The following FILIP1L variants were observed in gnomAD, a reference collection of about 807,000 sequenced individuals.
FILIP1L encodes the protein filamin A-interacting protein 1-like.
A neutral mutation model predicts 96.6 loss-of-function variants in FILIP1L; 55 were observed. The observed-to-expected ratio is 0.57, with a 90% CI of 0.46 to 0.71. The LOEUF is 0.71. Among genes scored for constraint, FILIP1L ranks in the 30% least tolerant of loss-of-function variants. The pLI is 0.00. For missense variants in FILIP1L, 1,304 were observed against 1,321.2 expected (o/e 0.99, Z 0.20); for synonymous variants, 467 against 473.9 (o/e 0.99, Z 0.19).
intron 4 of FILIP1L, among the ~76,000 whole-genome samples, chr3:99,875,030 A>G (rs1026006630): frequency 6.6e-6 from 1 of 152,252 alleles, no homozygotes; most frequent in African/African-American, 2.4e-5. Flanking sequence ...ACTGTTTTAA[A>G]AGGGACAATT....
intron 4 of FILIP1L, among the ~76,000 whole-genome samples, chr3:99,880,950 T>C (rs1705705947): frequency 6.6e-6 from 1 of 151,980 alleles, no homozygotes; most frequent in Non-Finnish European, 1.5e-5. Flanking sequence ...TGTTAGTGGC[T>C]TTTCTGTAGA....
intron 1 of FILIP1L, among the ~76,000 whole-genome samples, chr3:100,078,005 G>A (rs1467168919): frequency 6.6e-6 from 1 of 151,776 alleles, no homozygotes; most frequent in Non-Finnish European, 1.5e-5. Context: ...TCGTTTAACA[G>A]CCAGCTAAAA....
Position 99,830,537 on chromosome 3 carries a change from CT to C in FILIP1L, c.3449del (p.Lys1150ArgfsTer26), listed in dbSNP as rs1410660117. On this transcript the variant is annotated frameshift_variant, in exon 6 of 6. Coordinates refer to ENST00000477258, the MANE Select transcript of FILIP1L (RefSeq NM_001387850.1). LOFTEE classifies it high-confidence loss of function. ...IPKPKSTGITKISTKAPTVPM... is the reference protein window; with the variant it reads ...IPKPKSTGITXISTKAPTVPM... ...GCACTGTGGGGGCTTTAGTGGAAAT[CT>C]TGGTGATGCCTGTAGATTTCGGTTT... The C allele has an allele frequency of 2.2e-6, 1 of 456,670 alleles. No individual in the cohort carries two copies. Among genetic ancestry groups the C allele is most frequent in the Non-Finnish European group, 4.4e-6 (1 of 226,970 alleles). 28.3% of individuals were successfully genotyped at this position (456,670 alleles called of 1,614,324 possible). A position where few individuals can be genotyped will look rare whatever the true frequency, so the allele number is the denominator to read the frequency against.
intron 1 of FILIP1L, among the ~76,000 whole-genome samples, chr3:100,050,012 T>C (rs1422276238): frequency 6.6e-6 from 1 of 152,184 alleles, no homozygotes; most frequent in Non-Finnish European, 1.5e-5. Context: ...TTTACGGTTA[T>C]TAGAAGTTAA....
At position 99,848,692 on chromosome 3, in the gene FILIP1L, G is replaced by A; in HGVS notation, c.2984C>T (p.Pro995Leu). ...CTGAATAGGGGACATTGTCCTTTCT[G>A]GAGTTAGAGAACCACAAGACTCTGG... is the stretch of plus-strand genomic sequence containing the variant. Reference protein sequence around the residue: ...QTPESCGSLTPERTMSPIQVL... With the variant: ...QTPESCGSLTLERTMSPIQVL... The change falls in exon 5 of 6, where the codon CCA (proline) becomes CTA (leucine). Residue 995 changes from proline to leucine, a missense_variant. By Grantham distance (98) the Pro-to-Leu change is moderately conservative (BLOSUM62 -3). Coordinates refer to ENST00000477258, the MANE Select transcript of FILIP1L (RefSeq NM_001387850.1). 3 of 1,614,172 alleles carry A rather than the reference G, an allele frequency of 1.9e-6. No homozygotes were observed. Among genetic ancestry groups the A allele is most frequent in the Non-Finnish European group, 2.5e-6 (3 of 1,180,028 alleles).
rs191686834 is a variant in FILIP1L at position 99,879,368 on chromosome 3, A to T, written c.606-28298T>A. ...TTGTCAGGAGGCCATGACAATGACC[A>T]CATTAACAGGTGTTATTAGTGAAGT... On this transcript the variant is annotated intron_variant, in intron 4 of 5. Coordinates refer to ENST00000477258, the MANE Select transcript of FILIP1L (RefSeq NM_001387850.1). Among the ~76,000 whole-genome samples, 6 of 152,366 alleles carry T rather than the reference A, an allele frequency of 3.9e-5. No homozygotes were observed. The East Asian group carries it at 1.2e-3, about 29-fold the overall frequency.
intron 1 of FILIP1L, among the ~76,000 whole-genome samples, chr3:100,067,402 G>A (rs1223783162): frequency 6.6e-6 from 1 of 152,164 alleles, no homozygotes; most frequent in African/African-American, 2.4e-5. Flanking sequence ...GTATATATAA[G>A]AAAGGTGGAG....
rs143870316 is a variant in FILIP1L, at chr3:99,852,151, G to T, written c.606-1081C>A. Among the ~76,000 whole-genome samples the T allele has an allele frequency of 6.1e-4, 93 of 152,186 alleles. 2 individuals carry two copies. In the East Asian group the frequency reaches 0.016, roughly 27 times the overall value. On this transcript the variant is annotated intron_variant, in intron 4 of 5. Transcript: ENST00000477258. Reference sequence around the variant, plus strand: ...GTAGTGAGGTCAAAGTTTTAAATTTGTGGCACTCTCAATTATACTGCGAAT... The same window carrying T: ...GTAGTGAGGTCAAAGTTTTAAATTTTTGGCACTCTCAATTATACTGCGAAT...
intron 1 of FILIP1L, among the ~76,000 whole-genome samples, chr3:100,077,727 T>C (rs1190663398): frequency 1.3e-5 from 2 of 152,102 alleles, no homozygotes; most frequent in Non-Finnish European, 1.5e-5. Flanking sequence ...CTGGGCAACA[T>C]GGCAAGACCC....
At chr3:100,091,999 T>C (rs181809317) in intron 1 of FILIP1L, among the ~76,000 whole-genome samples, 22 of 152,322 alleles carry the variant, frequency 1.4e-4, no homozygotes, top group African/African-American at 5.1e-4. Context: ...AGTTGCTTGA[T>C]CTCTCTGGAC....
intron 1 of FILIP1L, among the ~76,000 whole-genome samples, chr3:99,937,735 A>AT (rs1279398037): frequency 6.6e-6 from 1 of 152,174 alleles, no homozygotes; most frequent in Non-Finnish European, 1.5e-5. Context: ...TTGGCTCTGA[A>AT]TAGGAGCTGC....
At chr3:99,876,743 A>G (rs1678758761) in intron 4 of FILIP1L, among the ~76,000 whole-genome samples, 1 of 152,108 alleles carries the variant, frequency 6.6e-6, no homozygotes, top group South Asian at 2.1e-4. Context: ...TCTTCAAGTG[A>G]TGATGGAAAG....
chr3:100,030,441 T>A (rs1237496798), intron 1 of FILIP1L, among the ~76,000 whole-genome samples: 1 of 152,142 alleles, frequency 6.6e-6, no homozygotes, highest in Non-Finnish European at 1.5e-5. Flanking sequence ...TTCATCATAT[T>A]TGTAATAGGG....
At chr3:99,919,691 G>C (rs1434132590) in intron 4 of FILIP1L, among the ~76,000 whole-genome samples, 1 of 152,024 alleles carries the variant, frequency 6.6e-6, no homozygotes, top group Non-Finnish European at 1.5e-5. Context: ...CAGTGTTTTA[G>C]TCACCTTGTC....
intron 4 of FILIP1L, among the ~76,000 whole-genome samples, chr3:99,919,332 C>A (rs1707051961): frequency 6.6e-6 from 1 of 150,618 alleles, no homozygotes; most frequent in Non-Finnish European, 1.5e-5. Context: ...GGTCTTAAAG[C>A]CTGCAGTGGT....
At chr3:100,020,299 G>T (rs754861635) in intron 1 of FILIP1L, among the ~76,000 whole-genome samples, 1 of 151,822 alleles carries the variant, frequency 6.6e-6, no homozygotes, top group Non-Finnish European at 1.5e-5. Flanking sequence ...CTGTATTCTC[G>T]CATTTAGGAC....
intron 1 of FILIP1L, among the ~76,000 whole-genome samples, chr3:100,069,800 A>G (rs2065729740): frequency 6.6e-6 from 1 of 152,166 alleles, no homozygotes; most frequent in Non-Finnish European, 1.5e-5. Flanking sequence ...GGGCCAGTCT[A>G]TTTGTGAGGG....
At position 99,848,726 on chromosome 3, in the gene FILIP1L, C is replaced by T; in HGVS notation, c.2950G>A (p.Ala984Thr). ...SPITMATFAR[A>T]QTPESCGSLT... The stretch of plus-strand genomic sequence containing the variant: ...GAACCACAAGACTCTGGGGTCTGTG[C>T]TCTGGCAAAGGTTGCCATGGTAATT... The change falls in exon 5 of 6, where the codon GCA becomes ACA. Residue 984 changes from alanine to threonine, a missense_variant. By Grantham distance (58) the Ala-to-Thr change is moderately conservative. Transcript: ENST00000477258. 1.2e-6 allele frequency: 2 copies of T among 1,614,176 alleles called. No individual in the cohort carries two copies. The highest frequency in any genetic ancestry group is 1.7e-6 in the Non-Finnish European group (2 of 1,180,024).
chr3:99,908,477 T>C (rs1055383181), intron 4 of FILIP1L, among the ~76,000 whole-genome samples: 1 of 152,198 alleles, frequency 6.6e-6, no homozygotes, highest in Non-Finnish European at 1.5e-5. Flanking sequence ...CAGGAATCTA[T>C]ACTTTTAAGT....
Sources: allele counts gnomAD v4.1 joint callset (sites outside exome capture counted in the v4.1 genomes callset), GRCh38; gene constraint gnomAD v4.1.1; transcripts MANE v1.5; gene names NCBI Gene and HGNC (gene_info 2026-07-23, HGNC 2026-07-21).